PTPRN2: variants seen among roughly 807,000 people sequenced by gnomAD.
PTPRN2 encodes the protein protein tyrosine phosphatase receptor type N2.
In PTPRN2, 74 loss-of-function variants were observed where a neutral mutation model predicts 118.8. The observed-to-expected ratio is 0.62, with a 90% confidence interval of 0.52 to 0.76. PTPRN2 has a LOEUF of 0.76. PTPRN2 is among the 30% of genes least tolerant of loss of function. The probability of loss-of-function intolerance (pLI) is 0.00; values close to 1 mark genes in which losing one functional copy is unlikely to be tolerated. For synonymous variants in PTPRN2, 641 were observed against 608.0 expected (o/e 1.05, Z -0.80); for missense variants, 1,481 against 1,394.4 (o/e 1.06, Z -0.99).
intron 11 of PTPRN2, among the ~76,000 whole-genome samples, chr7:158,050,971 A>C (rs1054430181): frequency 1.3e-5 from 2 of 152,218 alleles, no homozygotes; most frequent in Middle Eastern, 3.2e-3. Context: ...CTGGAGTGGA[A>C]GGTCACCCAG....
intron 2 of PTPRN2, among the ~76,000 whole-genome samples, chr7:158,453,729 A>T (rs552231299): frequency 0.023 from 3,429 of 152,358 alleles, 50 homozygotes; most frequent in Non-Finnish European, 0.033. Context: ...AGGAAAATTG[A>T]AAGCCTCATG....
At chr7:158,241,286 G>A (rs1037516381) in intron 3 of PTPRN2, among the ~76,000 whole-genome samples, 2 of 152,120 alleles carry the variant, frequency 1.3e-5, no homozygotes, top group African/African-American at 2.4e-5. Flanking sequence ...GAGGCCAAGG[G>A]GGAGGATCAC....
rs1810917642 is a variant in PTPRN2 at position 157,869,405 on chromosome 7, G to T, written c.1788+29268C>A. Among the ~76,000 whole-genome samples, 1 of 152,016 alleles carries T rather than the reference G, an allele frequency of 6.6e-6. No individual in the cohort carries two copies. ...TCCTGAGTTAGCAGACAAATATAAG[G>T]GGACTTCAAAAAGTTCACAGAAAAA... On this transcript the variant is annotated intron_variant, in intron 12 of 22. Coordinates refer to ENST00000389418, the MANE Select transcript of PTPRN2 (RefSeq NM_002847.5). The surrounding 1 kb of genome is among the most constrained non-coding windows in gnomAD (Gnocchi z 4.2).
At chr7:157,867,952 C>T (rs991009135) in intron 12 of PTPRN2, among the ~76,000 whole-genome samples, 16 of 152,176 alleles carry the variant, frequency 1.1e-4, no homozygotes, top group African/African-American at 3.4e-4. Context: ...CTGGGGGCAC[C>T]GTGCCTGCGC....
At chr7:157,593,223 C>T (rs1248281694) in intron 17 of PTPRN2, among the ~76,000 whole-genome samples, 10 of 118,992 alleles carry the variant, frequency 8.4e-5, no homozygotes, top group East Asian at 2.5e-4. Flanking sequence ...CCTACTGAAC[C>T]GAGGGTGGAT....
intron 2 of PTPRN2, among the ~76,000 whole-genome samples, chr7:158,340,280 C>T (rs1182856225): frequency 6.2e-5 from 6 of 96,258 alleles, no homozygotes; most frequent in Admixed American, 3.1e-4. Flanking sequence ...AGACATCACT[C>T]ACACCCACAT....
At chr7:157,824,491 G>A (rs1218061463) in intron 12 of PTPRN2, among the ~76,000 whole-genome samples, 3 of 152,224 alleles carry the variant, frequency 2.0e-5, no homozygotes, top group Non-Finnish European at 4.4e-5. Context: ...TGCATGGCGT[G>A]AGGTGTGTCA....
chr7:158,532,626 T>G (rs1415412129), intron 1 of PTPRN2: 1 of 445,686 alleles, frequency 2.2e-6, no homozygotes. Flanking sequence ...ACCAAAAACG[T>G]CACTAAACTT....
intron 2 of PTPRN2, among the ~76,000 whole-genome samples, chr7:158,406,078 G>GGT (rs1813401878): frequency 1.1e-5 from 1 of 94,954 alleles, no homozygotes. Context: ...ATCCCGCAGT[G>GGT]GCTCATCCAT....
chr7:158,131,379 CACTCAT>C (rs55731109), intron 9 of PTPRN2, among the ~76,000 whole-genome samples: 45,279 of 95,788 alleles, frequency 0.47, 7,598 homozygotes, highest in East Asian at 0.56. Context: ...CCGACACACA[CACTCAT>C]ACACACACGT....
chr7:158,270,853 C>A (rs1457301465), intron 3 of PTPRN2, among the ~76,000 whole-genome samples: 2 of 24,444 alleles, frequency 8.2e-5, no homozygotes, highest in Non-Finnish European at 1.6e-4. Context: ...ACCTGGACCG[C>A]CCCCCCACCT....
intron 2 of PTPRN2, among the ~76,000 whole-genome samples, chr7:158,363,147 A>G (rs1283248595): frequency 1.3e-5 from 2 of 152,304 alleles, no homozygotes; most frequent in African/African-American, 2.4e-5. Context: ...CATGGACAGC[A>G]GCTCGCCAGC....
intron 11 of PTPRN2, among the ~76,000 whole-genome samples, chr7:158,018,235 G>C (rs995410455): frequency 2.6e-5 from 4 of 152,238 alleles, no homozygotes; most frequent in Non-Finnish European, 5.9e-5. Flanking sequence ...GGAACAGTCT[G>C]TGTGCTTGTT....
At chr7:157,982,166 G>A (rs4716865) in intron 11 of PTPRN2, among the ~76,000 whole-genome samples, 21,998 of 98,312 alleles carry the variant, frequency 0.22, 3,203 homozygotes, top group Admixed American at 0.28. Flanking sequence ...TCACAGAGAT[G>A]AGGAGGGGAA....
chr7:158,027,292 G>A (rs1051742101), intron 11 of PTPRN2: 2 of 152,238 alleles, frequency 1.3e-5, no homozygotes, highest in African/African-American at 4.8e-5. Flanking sequence ...CAGAAGTGGT[G>A]GAGGAAATAC....
intron 6 of PTPRN2, among the ~76,000 whole-genome samples, chr7:158,146,755 A>G (rs921731949): frequency 1.2e-4 from 18 of 151,436 alleles, no homozygotes; most frequent in Non-Finnish European, 2.2e-4. Context: ...AAGAAACAAT[A>G]GAAAATTAAA....
intron 2 of PTPRN2, among the ~76,000 whole-genome samples, chr7:158,430,157 C>G (rs181483073): frequency 1.3e-5 from 2 of 152,172 alleles, no homozygotes; most frequent in Admixed American, 1.3e-4. Flanking sequence ...CCACCTGCCT[C>G]GGCCTCCCAA....
intron 9 of PTPRN2, among the ~76,000 whole-genome samples, chr7:158,123,406 C>T (rs750883815): frequency 3.1e-4 from 47 of 152,266 alleles, no homozygotes; most frequent in Non-Finnish European, 5.4e-4. Flanking sequence ...TGACCGACGC[C>T]GCAGTGACCG....
chr7:158,270,786 C>CT (rs1798302297), intron 3 of PTPRN2, among the ~76,000 whole-genome samples: 1 of 122,854 alleles, frequency 8.1e-6, no homozygotes, highest in Middle Eastern at 4.2e-3. Context: ...CTGGACCACC[C>CT]CTCCACCTGG....
Sources: allele counts gnomAD v4.1 joint callset (sites outside exome capture counted in the v4.1 genomes callset), GRCh38; gene constraint gnomAD v4.1.1; non-coding constraint Gnocchi (gnomAD v3.1); transcripts MANE v1.5; gene names NCBI Gene and HGNC (gene_info 2026-07-23, HGNC 2026-07-21).